Variants in ABI3BP observed in about 807,000 individuals in gnomAD.
ABI3BP encodes the protein target of Nesh-SH3.
ABI3BP carries 216 observed loss-of-function variants against 268.6 expected under a neutral mutation model. The ratio of observed to expected loss-of-function variants is 0.80; its 90% CI spans 0.72 to 0.90. The LOEUF (loss-of-function observed/expected upper bound fraction) is 0.90. ABI3BP is among the 40% of genes least tolerant of loss of function. The pLI is 0.00. For missense variants in ABI3BP, 2,090 were observed against 2,182.4 expected (o/e 0.96, Z 0.84); for synonymous variants, 730 against 730.0 (o/e 1.00, Z 0.00).
intron 3 of ABI3BP, among the ~76,000 whole-genome samples, chr3:100,901,292 T>C (rs1436715344): frequency 1.3e-5 from 2 of 152,202 alleles, no homozygotes; most frequent in Non-Finnish European, 2.9e-5. Flanking sequence ...TTGTGGCAAC[T>C]AATTTCTGAT....
chr3:100,991,462 A>G (rs1336765473), intron 1 of ABI3BP, among the ~76,000 whole-genome samples: 4 of 152,176 alleles, frequency 2.6e-5, no homozygotes, highest in African/African-American at 9.7e-5. Context: ...GCAAACTGCT[A>G]ACACTTATTG....
At chr3:100,917,371 A>G (rs2058930239) in intron 2 of ABI3BP, among the ~76,000 whole-genome samples, 1 of 152,236 alleles carries the variant, frequency 6.6e-6, no homozygotes, top group Admixed American at 6.5e-5. Flanking sequence ...CATGGAATGT[A>G]AAATATTTAA....
chr3:100,847,975 CTATAATA>C (rs1335420325), intron 18 of ABI3BP, among the ~76,000 whole-genome samples: 1 of 152,174 alleles, frequency 6.6e-6, no homozygotes, highest in Non-Finnish European at 1.5e-5. Flanking sequence ...AAACTCTGTG[CTATAATA>C]TATATGTTAT....
Position 100,902,962 on chromosome 3 carries a change from C to T in ABI3BP, c.260-276G>A, listed in dbSNP as rs571483098. ...ATACACAGATTTTAAACGCTGTCTT[C>T]ATCAGTTCTTTTCTCTGCAAATATA... On this transcript the variant is annotated intron_variant, in intron 2 of 67. Coordinates refer to ENST00000471714, the MANE Select transcript of ABI3BP (RefSeq NM_001375547.2). 2.6e-5 allele frequency among the ~76,000 whole-genome samples: 4 copies of T among 152,284 alleles called. No homozygotes were observed. In the East Asian group the frequency reaches 7.7e-4, roughly 29 times the overall value.
intron 1 of ABI3BP, among the ~76,000 whole-genome samples, chr3:100,961,910 C>G (rs1015440678): frequency 6.6e-6 from 1 of 152,112 alleles, no homozygotes; most frequent in East Asian, 1.9e-4. Flanking sequence ...TCTTGCCAAA[C>G]CTCCAAACGC....
chr3:100,876,254 TA>T (rs1162311258), intron 7 of ABI3BP, among the ~76,000 whole-genome samples: 1 of 152,210 alleles, frequency 6.6e-6, no homozygotes, highest in Non-Finnish European at 1.5e-5. Flanking sequence ...TAACTTGTTT[TA>T]AAAAATTTAA....
At chr3:100,864,728 G>A (rs2099032770) in intron 11 of ABI3BP, 105 bp downstream of exon 11, 1 of 763,202 alleles carries the variant, frequency 1.3e-6, no homozygotes, top group African/African-American at 1.8e-5. Context: ...AGAAAGTGGG[G>A]AGGGAGAGAG....
chr3:100,849,131 T>A (rs1044901721), intron 17 of ABI3BP, among the ~76,000 whole-genome samples: 3 of 148,180 alleles, frequency 2.0e-5, no homozygotes, highest in African/African-American at 7.5e-5. Context: ...TGAGCACCCT[T>A]GAGGCATTTC....
intron 26 of ABI3BP, among the ~76,000 whole-genome samples, chr3:100,837,571 C>A (rs2098618159): frequency 6.6e-6 from 1 of 152,114 alleles, no homozygotes; most frequent in South Asian, 2.1e-4. Flanking sequence ...GCCTGGCCAA[C>A]ATGGTGAAAC....
intron 29 of ABI3BP, among the ~76,000 whole-genome samples, chr3:100,833,892 C>G (rs570929552): frequency 6.6e-6 from 1 of 152,192 alleles, no homozygotes; most frequent in Non-Finnish European, 1.5e-5. Context: ...TCCTATCCTT[C>G]CAATGTCACC....
intron 1 of ABI3BP, among the ~76,000 whole-genome samples, chr3:100,949,125 T>G (rs1317968446): frequency 5.3e-5 from 8 of 152,348 alleles, no homozygotes; most frequent in Non-Finnish European, 7.3e-5. Context: ...ATATCTTTAT[T>G]TTTAATGACA....
chr3:100,841,986 A>G lies in ABI3BP; in HGVS notation c.1765+12T>C. The G allele has an allele frequency of 6.5e-7, 1 of 1,527,582 alleles. No homozygotes were observed. Among genetic ancestry groups the G allele is most frequent in the Non-Finnish European group, 8.8e-7 (1 of 1,139,350 alleles). The allele number at this position is 1,527,582 out of a possible 1,614,324, so 94.6% of individuals were successfully genotyped here. ...ATACTTTGTTTTCACTCATTAAAAAAAGCTTTATTACCTATTGTTGACTGT... is the reference window on the plus strand; with the variant it reads ...ATACTTTGTTTTCACTCATTAAAAAGAGCTTTATTACCTATTGTTGACTGT... On this transcript the variant is annotated intron_variant, in intron 21 of 67. Coordinates refer to ENST00000471714, the MANE Select transcript of ABI3BP (RefSeq NM_001375547.2).
At chr3:100,769,705 G>C (rs1156917064) in intron 62 of ABI3BP, among the ~76,000 whole-genome samples, 2 of 152,142 alleles carry the variant, frequency 1.3e-5, no homozygotes, top group African/African-American at 4.8e-5. Flanking sequence ...TTGATTTTTA[G>C]ATATTTGTAG....
At chr3:100,927,054 G>A (rs2062010122) in intron 1 of ABI3BP, among the ~76,000 whole-genome samples, 1 of 152,138 alleles carries the variant, frequency 6.6e-6, no homozygotes, top group African/African-American at 2.4e-5. Flanking sequence ...GGAAATACAT[G>A]GAGATGCCCA....
chr3:100,921,335 GA>G (rs2060154920), intron 2 of ABI3BP, among the ~76,000 whole-genome samples: 1 of 152,182 alleles, frequency 6.6e-6, no homozygotes, highest in South Asian at 2.1e-4. Flanking sequence ...CTCTGCAGGT[GA>G]CACTGATTAA....
At chr3:100,990,697 G>A (rs1351887259) in intron 1 of ABI3BP, among the ~76,000 whole-genome samples, 1 of 151,858 alleles carries the variant, frequency 6.6e-6, no homozygotes, top group Non-Finnish European at 1.5e-5. Context: ...TTTTATTCAA[G>A]GAATAGGTAG....
chr3:100,795,551 G>T (rs745763692), intron 53 of ABI3BP, among the ~76,000 whole-genome samples: 6 of 151,956 alleles, frequency 3.9e-5, no homozygotes, highest in Non-Finnish European at 8.8e-5. Context: ...AAACATACTG[G>T]ACTCATTTTG....
chr3:100,752,988 T>A, intron 65 of ABI3BP, 40 bp from the exon 66 acceptor site: 3 of 1,547,488 alleles, frequency 1.9e-6, no homozygotes, highest in Non-Finnish European at 1.8e-6. Flanking sequence ...ATCTGACTCT[T>A]GGGTCAGATA....
chr3:100,970,231 C>T (rs2576367), intron 1 of ABI3BP, among the ~76,000 whole-genome samples: 84,858 of 152,078 alleles, frequency 0.56, 24,305 homozygotes, highest in East Asian at 0.89. Context: ...GAACGACTGG[C>T]TTTTGATTTG....
Sources: allele counts gnomAD v4.1 joint callset (sites outside exome capture counted in the v4.1 genomes callset), GRCh38; gene constraint gnomAD v4.1.1; transcripts MANE v1.5; gene names NCBI Gene and HGNC (gene_info 2026-07-23, HGNC 2026-07-21).